The following C14orf39 variants were observed in gnomAD, a reference collection of about 807,000 sequenced individuals.
C14orf39 encodes the protein protein SIX6OS1.
C14orf39 carries 66 observed loss-of-function variants against 85.6 expected under a neutral mutation model. The ratio of observed to expected loss-of-function variants is 0.77; its 90% confidence interval spans 0.63 to 0.95. The LOEUF is 0.95. Among genes scored for constraint, C14orf39 ranks in the 40% least tolerant of loss-of-function variants. The pLI, the probability that C14orf39 is intolerant of heterozygous loss-of-function variation, is 0.00. For synonymous variants in C14orf39, 242 were observed against 214.0 expected, an observed-to-expected ratio of 1.13 and a Z score of -1.14; for missense variants, 735 against 663.9, an observed-to-expected ratio of 1.11 and a Z score of -1.18.
intron 9 of C14orf39, among the ~76,000 whole-genome samples, chr14:60,467,605 T>C (rs1891857852): frequency 6.6e-6 from 1 of 151,836 alleles, no homozygotes; most frequent in East Asian, 1.9e-4. Context: ...ATACATGGAA[T>C]TTTTCTTAAA....
Position 60,484,738 on chromosome 14 carries a change from G to A in C14orf39, c.106+143C>T. 2 of 592,468 alleles carry A rather than the reference G, an allele frequency of 3.4e-6. No individual in the cohort carries two copies. Among genetic ancestry groups the A allele is most frequent in the Non-Finnish European group, 5.9e-6 (2 of 340,280 alleles). 36.7% of individuals were successfully genotyped at this position (592,468 alleles called of 1,614,324 possible). A position where few individuals can be genotyped will look rare whatever the true frequency, so the allele number is the denominator to read the frequency against. On this transcript the variant is annotated intron_variant, in intron 3 of 17. Coordinates refer to ENST00000321731, the MANE Select transcript of C14orf39 (RefSeq NM_174978.3). This position sits in a 1 kb window ranked among gnomAD's most constrained non-coding sequence, Gnocchi z 4.2. ...GTTAAGTCACATCTATTTCGTCTAG[G>A]GTAAATAGTTTATTTGTCGCTAGAG...
intron 2 of C14orf39, chr14:60,495,372 C>A: frequency 5.1e-6 from 1 of 197,094 alleles, no homozygotes; most frequent in East Asian, 1.2e-4. Flanking sequence ...TGAGTCTACC[C>A]TTACATTCTG....
At chr14:60,500,645 AG>A (rs1377499608) in intron 1 of C14orf39, among the ~76,000 whole-genome samples, 6 of 152,216 alleles carry the variant, frequency 3.9e-5, no homozygotes, top group Admixed American at 3.3e-4. Context: ...AAATGTTATC[AG>A]GAAAAGGCTA....
At chr14:60,464,173 C>T (rs747470355) in intron 11 of C14orf39, among the ~76,000 whole-genome samples, 6 of 152,126 alleles carry the variant, frequency 3.9e-5, no homozygotes, top group African/African-American at 7.2e-5. Flanking sequence ...GGCAAATTTA[C>T]ATGGTTACCT....
chr14:60,478,458 A>T (rs967479539), intron 4 of C14orf39, 69 bp from the exon 5 acceptor site: 1 of 746,626 alleles, frequency 1.3e-6, no homozygotes, highest in African/African-American at 1.8e-5. Flanking sequence ...ATAATAAAAA[A>T]AAGAACATAA....
intron 16 of C14orf39, among the ~76,000 whole-genome samples, chr14:60,444,974 A>G (rs1460946836): frequency 6.6e-6 from 1 of 152,232 alleles, no homozygotes; most frequent in African/African-American, 2.4e-5. Flanking sequence ...ACTAACCTTC[A>G]TAAGTGAAGG....
intron 1 of C14orf39, among the ~76,000 whole-genome samples, chr14:60,510,827 G>C (rs923795519): frequency 6.6e-6 from 1 of 152,228 alleles, no homozygotes; most frequent in African/African-American, 2.4e-5. Context: ...TGCAAGCCCA[G>C]TATATAAAAG....
chr14:60,510,734 A>C (rs914491538), intron 1 of C14orf39, among the ~76,000 whole-genome samples: 1 of 152,204 alleles, frequency 6.6e-6, no homozygotes, highest in African/African-American at 2.4e-5. Flanking sequence ...CCTGGGACCG[A>C]TCTGTCCTTG....
chr14:60,509,883 C>T (rs1200284928), intron 1 of C14orf39: 24 of 1,613,188 alleles, frequency 1.5e-5, no homozygotes, highest in African/African-American at 2.7e-5. Context: ...CGTGAGCTCG[C>T]CCAGGCAACC....
chr14:60,470,885 A>C (rs1892042741), intron 7 of C14orf39, among the ~76,000 whole-genome samples: 1 of 151,932 alleles, frequency 6.6e-6, no homozygotes, highest in Non-Finnish European at 1.5e-5. Context: ...GATCTCTCTG[A>C]CAAACAGGTG....
chr14:60,511,261 T>A, intron 1 of C14orf39: 1 of 1,613,058 alleles, frequency 6.2e-7, no homozygotes, highest in Non-Finnish European at 8.5e-7. Context: ...GAGTTGCCCA[T>A]CCAGGATGCT....
intron 1 of C14orf39, among the ~76,000 whole-genome samples, chr14:60,505,698 T>C (rs1235294736): frequency 6.6e-6 from 1 of 152,226 alleles, no homozygotes; most frequent in African/African-American, 2.4e-5. Flanking sequence ...TAGCTGATTA[T>C]GTGAAATTGT....
intron 16 of C14orf39, among the ~76,000 whole-genome samples, chr14:60,451,393 T>A (rs552192064): frequency 6.6e-6 from 1 of 152,286 alleles, no homozygotes; most frequent in East Asian, 1.9e-4. Flanking sequence ...TGCACACGTA[T>A]GTTTATTGCG....
intron 5 of C14orf39, among the ~76,000 whole-genome samples, chr14:60,476,903 A>G (rs1263851459): frequency 1.3e-5 from 2 of 152,156 alleles, no homozygotes; most frequent in Non-Finnish European, 2.9e-5. Flanking sequence ...CACACTGATT[A>G]TATTTCCACA....
intron 2 of C14orf39, chr14:60,493,677 T>C (rs1893026027): frequency 1.3e-5 from 2 of 152,196 alleles, no homozygotes; most frequent in Non-Finnish European, 2.9e-5. Flanking sequence ...ATAGCAACAA[T>C]GGTGATTGTA....
In C14orf39 at chr14:60,461,723, A is replaced by C. The variant is rs535711680; in HGVS notation, c.973-130T>G. 10 of 535,716 alleles carry C rather than the reference A, an allele frequency of 1.9e-5. No individual in the cohort carries two copies. The East Asian group carries it at 2.7e-4, about 14-fold the overall frequency. 33.2% of individuals were successfully genotyped at this position (535,716 alleles called of 1,614,324 possible). A position where few individuals can be genotyped will look rare whatever the true frequency, so the allele number is the denominator to read the frequency against. ...TTCCATCATTACCATCATTATCAAC[A>C]TCAACAACTACACACATTAACTGAA... is the stretch of plus-strand genomic sequence containing the variant. On this transcript the variant is annotated intron_variant, in intron 11 of 17. Transcript: ENST00000321731.
chr14:60,449,957 G>A (rs569720085), intron 16 of C14orf39, among the ~76,000 whole-genome samples: 1 of 152,300 alleles, frequency 6.6e-6, no homozygotes, highest in African/African-American at 2.4e-5. Flanking sequence ...TTGAAGGGAA[G>A]GACCCAGTCC....
intron 16 of C14orf39, among the ~76,000 whole-genome samples, chr14:60,445,983 A>C (rs915412454): frequency 1.3e-5 from 2 of 152,222 alleles, no homozygotes; most frequent in Admixed American, 6.5e-5. Flanking sequence ...AACAAAATGA[A>C]GGGAGAAATA....
At chr14:60,466,160 G>A in intron 10 of C14orf39, 105 bp from the exon 11 acceptor site, 1 of 457,160 alleles carries the variant, frequency 2.2e-6, no homozygotes, top group Non-Finnish European at 3.7e-6. Context: ...AAGTCTACAT[G>A]AATTTTTAAT....
Sources: allele counts gnomAD v4.1 joint callset (sites outside exome capture counted in the v4.1 genomes callset), GRCh38; gene constraint gnomAD v4.1.1; non-coding constraint Gnocchi (gnomAD v3.1); transcripts MANE v1.5; gene names NCBI Gene and HGNC (gene_info 2026-07-23, HGNC 2026-07-21).